Variants in RMST observed in about 807,000 individuals in gnomAD.
RMST encodes the protein long intergenic non-protein coding RNA 54.
chr12:97,534,222 T>C (rs192577081), intron 11 of RMST, among the ~76,000 whole-genome samples: 185 of 151,882 alleles, frequency 1.2e-3, no homozygotes, highest in Non-Finnish European at 2.0e-3. Flanking sequence ...TGTCAAACTT[T>C]AAAAAATTCA....
rs149548037 is a variant in RMST, at chr12:97,509,676, G to A, written n.1340+13620G>A. Among the ~76,000 whole-genome samples the A allele has an allele frequency of 3.8e-3, 581 of 152,170 alleles. 2 individuals are homozygous for A. The highest frequency in any genetic ancestry group is 0.013 in the African/African-American group (539 of 41,510). ...GTCAGAATATTCTGGAGACAAATAC[G>A]AGTAAGATCAAACATCACCTCCTTA... is the stretch of plus-strand genomic sequence containing the variant. On this transcript the variant is annotated intron_variant and non_coding_transcript_variant, in intron 10 of 13. Coordinates refer to ENST00000640149, the Ensembl canonical transcript of RMST.
intron 11 of RMST, among the ~76,000 whole-genome samples, chr12:97,543,613 T>TA (rs1188223690): frequency 6.6e-6 from 1 of 152,026 alleles, no homozygotes; most frequent in Non-Finnish European, 1.5e-5. Flanking sequence ...TGACTATGAA[T>TA]AATGCTCCTG....
chr12:97,545,820 A>C (rs1212955950), intron 11 of RMST, among the ~76,000 whole-genome samples: 3 of 152,136 alleles, frequency 2.0e-5, no homozygotes, highest in African/African-American at 7.2e-5. Context: ...CTATGACTCC[A>C]CGTAAATATG....
chr12:97,473,618 T>C (rs1874190985), intron 5 of RMST, among the ~76,000 whole-genome samples: 1 of 152,176 alleles, frequency 6.6e-6, no homozygotes, highest in African/African-American at 2.4e-5. Flanking sequence ...TGTAAAGCCC[T>C]GCCCATAGCT....
intron 5 of RMST, among the ~76,000 whole-genome samples, chr12:97,476,763 A>AATCAGAT (rs1306138963): frequency 6.6e-6 from 1 of 152,220 alleles, no homozygotes; most frequent in African/African-American, 2.4e-5. Flanking sequence ...TTATAGCTAT[A>AATCAGAT]TAATACCTGC....
At chr12:97,463,387 G>C (rs10860213) in intron 4 of RMST, 26 of 152,268 alleles carry the variant, frequency 1.7e-4, no homozygotes, top group Non-Finnish European at 2.8e-4. Flanking sequence ...ATCTTTGTGA[G>C]GGTATCATCT....
chr12:97,533,299 A>G (rs1881820262), intron 11 of RMST: 2 of 151,828 alleles, frequency 1.3e-5, no homozygotes, highest in East Asian at 1.9e-4. Flanking sequence ...TGACATCTCT[A>G]TTCTAGTTCA....
chr12:97,476,189 G>T (rs1471219031), intron 5 of RMST, among the ~76,000 whole-genome samples: 1 of 152,116 alleles, frequency 6.6e-6, no homozygotes. Context: ...CATTCTCAGG[G>T]AGTCATTTTA....
intron 5 of RMST, among the ~76,000 whole-genome samples, chr12:97,483,794 A>G (rs75315283): frequency 0.076 from 11,591 of 152,216 alleles, 655 homozygotes; most frequent in Middle Eastern, 0.13. Flanking sequence ...TTTTTTCTGT[A>G]AGTACACTTG....
intron 11 of RMST, among the ~76,000 whole-genome samples, chr12:97,555,755 G>A (rs1043870140): frequency 5.3e-5 from 8 of 152,160 alleles, no homozygotes; most frequent in African/African-American, 1.9e-4. Flanking sequence ...TCTCACAAAT[G>A]TACACCCTTA....
At position 97,546,279 on chromosome 12, in the gene RMST, A is replaced by G. The variant is rs116343100; in HGVS notation, n.1546-14258A>G. On this transcript the variant is annotated intron_variant and non_coding_transcript_variant, in intron 11 of 13. Coordinates refer to ENST00000640149, the Ensembl canonical transcript of RMST. ...TGGAGAGATCTAATCTTTCACATCT[A>G]TGTTTTAAATCAAGGAAATGGGCTG... is the stretch of plus-strand genomic sequence containing the variant. 9.5e-3 allele frequency among the ~76,000 whole-genome samples: 1,446 copies of G among 152,136 alleles called. 24 individuals carry two copies. Among genetic ancestry groups the G allele is most frequent in the African/African-American group, 0.033 (1,369 of 41,508 alleles).
intron 5 of RMST, among the ~76,000 whole-genome samples, chr12:97,472,043 A>G (rs1011070269): frequency 2.0e-5 from 3 of 152,136 alleles, no homozygotes; most frequent in Admixed American, 6.6e-5. Flanking sequence ...AAGCTCCTGG[A>G]GTCCTCTGTT....
At chr12:97,541,758 C>T (rs1173640146) in intron 11 of RMST, among the ~76,000 whole-genome samples, 1 of 151,132 alleles carries the variant, frequency 6.6e-6, no homozygotes, top group Non-Finnish European at 1.5e-5. Flanking sequence ...GAAGATTCTT[C>T]CTTTCCTTTT....
Position 97,546,770 on chromosome 12 carries a change from A to G in RMST, n.1546-13767A>G, listed in dbSNP as rs1257441408. On this transcript the variant is annotated intron_variant and non_coding_transcript_variant, in intron 11 of 13. Coordinates refer to ENST00000640149, the Ensembl canonical transcript of RMST. The stretch of plus-strand genomic sequence containing the variant: ...GGGGAGTGGTTCAAGGAAGCTAATT[A>G]ACATATACATTATCTCACATACTTA... Among the ~76,000 whole-genome samples the G allele has an allele frequency of 2.0e-5, 3 of 152,068 alleles. No individual in the cohort carries two copies. In the East Asian group the frequency reaches 5.8e-4, roughly 29 times the overall value.
chr12:97,536,606 A>C (rs1882096399), intron 11 of RMST, among the ~76,000 whole-genome samples: 1 of 151,492 alleles, frequency 6.6e-6, no homozygotes, highest in Non-Finnish European at 1.5e-5. Flanking sequence ...ACTTGTACTG[A>C]AAGTGACTAT....
intron 11 of RMST, among the ~76,000 whole-genome samples, chr12:97,545,230 A>G (rs944873363): frequency 2.0e-5 from 3 of 152,096 alleles, no homozygotes; most frequent in Admixed American, 2.0e-4. Context: ...CATCATCACC[A>G]TGATAACTAT....
intron 10 of RMST, among the ~76,000 whole-genome samples, chr12:97,510,494 G>A (rs1308763727): frequency 1.3e-5 from 2 of 152,284 alleles, no homozygotes; most frequent in South Asian, 2.1e-4. Context: ...TAATACGAAA[G>A]TAAATTTTCA....
intron 10 of RMST, among the ~76,000 whole-genome samples, chr12:97,513,036 G>A (rs975146159): frequency 2.0e-5 from 3 of 152,202 alleles, no homozygotes; most frequent in African/African-American, 7.2e-5. Context: ...CTCCAACTGC[G>A]GGGTCCGCCG....
intron 11 of RMST, among the ~76,000 whole-genome samples, chr12:97,534,096 T>C (rs1350094895): frequency 6.6e-6 from 1 of 151,804 alleles, no homozygotes; most frequent in African/African-American, 2.4e-5. Flanking sequence ...GTAAGGATAA[T>C]TTCCTAATTC....
Sources: allele counts gnomAD v4.1 joint callset (sites outside exome capture counted in the v4.1 genomes callset), GRCh38; gene constraint gnomAD v4.1.1; transcripts MANE v1.5; gene names NCBI Gene and HGNC (gene_info 2026-07-23, HGNC 2026-07-21).